Variants in SRPK1 observed in about 807,000 individuals in gnomAD.
SRPK1 encodes SRSF protein kinase 1.
Under a neutral mutation model 89.5 loss-of-function variants are expected in SRPK1, and 52 were observed. The observed-to-expected ratio is 0.58, with a 90% CI of 0.46 to 0.73. SRPK1 has a LOEUF of 0.73. Ranked by LOEUF, SRPK1 falls within the 30% of genes least tolerant of loss-of-function variation. The pLI, the probability that SRPK1 is intolerant of heterozygous loss-of-function variation, is 0.00. For synonymous variants in SRPK1, 255 were observed against 270.2 expected (o/e 0.94, Z 0.55); for missense variants, 603 against 780.6 (o/e 0.77, Z 2.71).
chr6:35,886,792 T>C lies in SRPK1; in HGVS notation c.410A>G (p.Asn137Ser), dbSNP rs1324808793. 17 of 1,610,578 alleles carry C rather than the reference T, an allele frequency of 1.1e-5. No homozygotes were observed. In the Middle Eastern group the frequency reaches 6.6e-4, roughly 62 times the overall value. Residue 137 changes from asparagine (N) to serine (S), a missense_variant, in exon 6 of 16, where the codon AAT (asparagine) becomes AGT (serine). By Grantham distance (46) the Asn-to-Ser change is conservative. Coordinates refer to ENST00000373825, the MANE Select transcript of SRPK1 (RefSeq NM_003137.5). ...AACAACCATTTCTCTATTTGGATCA[T>C]TAGGGTCTGAATTGCGAACCTGTAG... is the stretch of plus-strand genomic sequence containing the variant. ...LLKSVRNSDP[N>S]DPNREMVVQL...
rs10540061 is a variant in SRPK1, at chr6:35,836,754, CAATAATAATAAT to C, written c.1784-1278_1784-1267del. The stretch of plus-strand genomic sequence containing the variant: ...TGGGTGACAGAGTGATACCCTGTCT[CAATAATAATAAT>C]AATAATAATAATAATAATAATTTTT... On this transcript the variant is annotated intron_variant, in intron 15 of 15. Coordinates refer to ENST00000373825, the MANE Select transcript of SRPK1 (RefSeq NM_003137.5). Among the ~76,000 whole-genome samples, 22 of 143,388 alleles carry C rather than the reference CAATAATAATAAT, an allele frequency of 1.5e-4. No homozygotes were observed. The East Asian group carries it at 2.4e-3, about 16-fold the overall frequency. The allele number at this position is 143,388 out of a possible 152,430, so 94.1% of individuals were successfully genotyped here.
At chr6:35,871,783 C>T (rs1483404554) in intron 8 of SRPK1, among the ~76,000 whole-genome samples, 1 of 152,184 alleles carries the variant, frequency 6.6e-6, no homozygotes, top group Non-Finnish European at 1.5e-5. Flanking sequence ...ACTTTGTTGC[C>T]TATGCTCGAG....
Position 35,842,547 on chromosome 6 carries a change from T to C in SRPK1, c.1678A>G (p.Thr560Ala). The C allele has an allele frequency of 2.5e-6, 4 of 1,611,304 alleles. No homozygotes were observed. Among genetic ancestry groups the C allele is most frequent in the Non-Finnish European group, 3.4e-6 (4 of 1,178,902 alleles). Residue 560 changes from threonine to alanine, a missense_variant, in exon 14 of 16, where the codon ACT becomes GCT. By Grantham distance (58) the Thr-to-Ala change is moderately conservative. Transcript: ENST00000373825. ...LFEPHSGEEYTRDEDHIALII... is the reference protein window; with the variant it reads ...LFEPHSGEEYARDEDHIALII... ...TAAGGGGACTCACCTTCATCTCGAGTGTACTCTTCCCCTGAATGAGGTTCA... is the reference window on the plus strand; with the variant it reads ...TAAGGGGACTCACCTTCATCTCGAGCGTACTCTTCCCCTGAATGAGGTTCA...
At chr6:35,857,401 T>C in intron 12 of SRPK1, 33 bp from the exon 13 acceptor site, 1 of 1,512,836 alleles carries the variant, frequency 6.6e-7, no homozygotes, top group Non-Finnish European at 9.1e-7. Context: ...ATTTTAAACT[T>C]CATTCTAAAA....
chr6:35,895,788 C>T (rs1035973038), intron 2 of SRPK1: 1 of 152,172 alleles, frequency 6.6e-6, no homozygotes, highest in Non-Finnish European at 1.5e-5. Context: ...TCTATTAGGT[C>T]GTACTCTTTT....
intron 6 of SRPK1, among the ~76,000 whole-genome samples, chr6:35,885,885 C>T (rs1045260227): frequency 6.6e-6 from 1 of 152,088 alleles, no homozygotes; most frequent in African/African-American, 2.4e-5. Flanking sequence ...CAGATAAAAA[C>T]ATAAAACAAG....
chr6:35,905,537 A>G (rs183306901), intron 2 of SRPK1, among the ~76,000 whole-genome samples: 28 of 152,360 alleles, frequency 1.8e-4, no homozygotes, highest in African/African-American at 6.3e-4. Flanking sequence ...AAAATGAAAC[A>G]CATGAATCTG....
chr6:35,920,580 C>A, intron 1 of SRPK1, 52 bp from the exon 2 acceptor site: 1 of 1,584,130 alleles, frequency 6.3e-7, no homozygotes. Context: ...AGGAGGCGAC[C>A]AAGGTGAGGG....
intron 2 of SRPK1, among the ~76,000 whole-genome samples, chr6:35,913,525 A>C (rs1283791676): frequency 6.6e-6 from 1 of 152,116 alleles, no homozygotes; most frequent in Non-Finnish European, 1.5e-5. Flanking sequence ...GAGGCCAGGC[A>C]CAGTGGCTCA....
chr6:35,918,135 C>T (rs573963224), intron 2 of SRPK1, among the ~76,000 whole-genome samples: 1 of 152,270 alleles, frequency 6.6e-6, no homozygotes, highest in Admixed American at 6.5e-5. Context: ...CTTAATTAGA[C>T]ATTTCAGCTA....
At chr6:35,915,233 C>T (rs1771061830) in intron 2 of SRPK1, among the ~76,000 whole-genome samples, 1 of 151,976 alleles carries the variant, frequency 6.6e-6, no homozygotes, top group Admixed American at 6.6e-5. Context: ...TAAACCTCGT[C>T]TCTACTAAAA....
chr6:35,912,926 G>A (rs982393962), intron 2 of SRPK1, among the ~76,000 whole-genome samples: 2 of 152,198 alleles, frequency 1.3e-5, no homozygotes, highest in African/African-American at 4.8e-5. Context: ...TGGGACTACA[G>A]GCACGTGCCA....
intron 2 of SRPK1, among the ~76,000 whole-genome samples, chr6:35,911,166 T>G (rs1466172300): frequency 1.3e-5 from 2 of 152,224 alleles, no homozygotes; most frequent in African/African-American, 4.8e-5. Context: ...CTGGAAAGGA[T>G]TCACGATTCT....
chr6:35,887,175 C>A (rs1039040314), intron 5 of SRPK1, among the ~76,000 whole-genome samples: 1 of 151,122 alleles, frequency 6.6e-6, no homozygotes, highest in Admixed American at 6.6e-5. Context: ...TTTTTTTTTT[C>A]ATGGAAAAAC....
At chr6:35,879,203 T>A (rs1770222386) in intron 6 of SRPK1, among the ~76,000 whole-genome samples, 1 of 152,044 alleles carries the variant, frequency 6.6e-6, no homozygotes, top group African/African-American at 2.4e-5. Flanking sequence ...TTCGTTTACA[T>A]CTCAGGCTGA....
chr6:35,875,043 A>G (rs771196186), intron 6 of SRPK1, among the ~76,000 whole-genome samples: 1 of 152,216 alleles, frequency 6.6e-6, no homozygotes, highest in Non-Finnish European at 1.5e-5. Flanking sequence ...ATGCAAGTTA[A>G]GACATACATA....
intron 6 of SRPK1, among the ~76,000 whole-genome samples, chr6:35,881,451 ATATAG>A (rs1770287685): frequency 2.2e-5 from 2 of 89,572 alleles, no homozygotes; most frequent in African/African-American, 6.6e-5. Flanking sequence ...ATAGATATAG[ATATAG>A]ATATAGATAT....
intron 7 of SRPK1, among the ~76,000 whole-genome samples, chr6:35,873,675 A>C (rs1295342149): frequency 6.6e-6 from 1 of 151,510 alleles, no homozygotes; most frequent in Non-Finnish European, 1.5e-5. Context: ...TTTTTAGTAG[A>C]GACGGGGTTT....
chr6:35,879,722 T>C (rs1482834153), intron 6 of SRPK1, among the ~76,000 whole-genome samples: 3 of 152,096 alleles, frequency 2.0e-5, no homozygotes, highest in Non-Finnish European at 4.4e-5. Context: ...ACAGATACTG[T>C]CCCTGAAAAA....
Sources: allele counts gnomAD v4.1 joint callset (sites outside exome capture counted in the v4.1 genomes callset), GRCh38; gene constraint gnomAD v4.1.1; transcripts MANE v1.5; gene names NCBI Gene and HGNC (gene_info 2026-07-23, HGNC 2026-07-21).